The following MFSD2A variants were observed in gnomAD, a reference collection of about 807,000 sequenced individuals.
MFSD2A encodes MFSD2 lysolipid transporter A, lysophospholipid.
MFSD2A carries 27 observed loss-of-function variants against 64.7 expected under a neutral mutation model. The observed-to-expected ratio is 0.42, with a 90% CI of 0.31 to 0.58. The LOEUF (loss-of-function observed/expected upper bound fraction) is 0.58, where lower values mean the gene tolerates loss of function less well. Among genes scored for constraint, MFSD2A ranks in the 20% least tolerant of loss-of-function variants. The pLI is 0.18. For missense variants in MFSD2A, 474 were observed against 679.5 expected, an observed-to-expected ratio of 0.70 and a Z score of 3.36; for synonymous variants, 258 against 273.4, an observed-to-expected ratio of 0.94 and a Z score of 0.55.
Position 39,969,704 on chromosome 1 carries a change from T to TG in MFSD2A, c.*137dup, listed in dbSNP as rs1274433166. The TG allele has an allele frequency of 4.8e-6, 4 of 831,190 alleles. No individual in the cohort carries two copies. The African/African-American group carries it at 7.2e-5, about 15-fold the overall frequency. The allele number at this position is 831,190 out of a possible 1,614,324, so 51.5% of individuals were successfully genotyped here. ...ACTCAAGGAGGTGGCCCAGGACACT[T>TG]GCTGTGCTCACTGTGGGGCCGGCTG... On this transcript the variant is annotated 3_prime_UTR_variant, in exon 14 of 14. Transcript: ENST00000372811.
In MFSD2A at chr1:39,968,709, G is replaced by T. The variant is rs564904855; in HGVS notation, c.1493G>T (p.Arg498Met). 6.2e-7 allele frequency: 1 copy of T among 1,614,172 alleles called. No individual in the cohort carries two copies. Among genetic ancestry groups the T allele is most frequent in the African/African-American group, 1.3e-5 (1 of 75,036 alleles). Residue 498 changes from arginine (R) to methionine (M), a missense_variant, in exon 13 of 14, where the codon AGG (arginine) becomes ATG (methionine). Arg to Met is a moderately conservative substitution (Grantham distance 91). Coordinates refer to ENST00000372811, the MANE Select transcript of MFSD2A (RefSeq NM_032793.5). This position sits in a 1 kb window ranked among gnomAD's most constrained non-coding sequence, Gnocchi z 4.4. The stretch of plus-strand genomic sequence containing the variant: ...AAAATGTACCCCATTGATGAGGAGA[G>T]GCGGCGGCAGAATAAGAAGGCCCTG... ...LFKMYPIDEE[R>M]RRQNKKALQA...
intron 6 of MFSD2A, 98 bp downstream of exon 6, chr1:39,966,112 A>C: frequency 5.8e-6 from 8 of 1,384,910 alleles, no homozygotes; most frequent in Non-Finnish European, 7.9e-6. Context: ...TTATTAAATA[A>C]ATGTTGGGCA....
At position 39,968,828 on chromosome 1, in the gene MFSD2A, C is replaced by CG; in HGVS notation, c.1529+83_1529+84insG. ...AATTTGTGTCTCCTGTGGCCAAGTCCAGACTCACCCCCCACACATCTTCTC... is the reference window on the plus strand; with the variant it reads ...AATTTGTGTCTCCTGTGGCCAAGTCCGAGACTCACCCCCCACACATCTTCTC... On this transcript the variant is annotated intron_variant, in intron 13 of 13. Coordinates refer to ENST00000372811, the MANE Select transcript of MFSD2A (RefSeq NM_032793.5). This position sits in a 1 kb window ranked among gnomAD's most constrained non-coding sequence, Gnocchi z 4.4. 2.8e-6 allele frequency: 4 copies of CG among 1,452,776 alleles called. No individual in the cohort carries two copies. Among genetic ancestry groups the CG allele is most frequent in the Admixed American group, 3.7e-5 (2 of 53,874 alleles). The allele number at this position is 1,452,776 out of a possible 1,614,324, so 90.0% of individuals were successfully genotyped here. A position where few individuals can be genotyped will look rare whatever the true frequency, so the allele number is the denominator to read the frequency against.
In MFSD2A at chr1:39,967,041, C is replaced by G. The variant is rs935601672; in HGVS notation, c.928-45C>G. ...TCTTGGGGAGGCTCAGCCCCAACATCACCTCCTTCCTTGCATTTCCTTCCC... is the reference window on the plus strand; with the variant it reads ...TCTTGGGGAGGCTCAGCCCCAACATGACCTCCTTCCTTGCATTTCCTTCCC... On this transcript the variant is annotated intron_variant, in intron 8 of 13. Coordinates refer to ENST00000372811, the MANE Select transcript of MFSD2A (RefSeq NM_032793.5). The G allele has an allele frequency of 2.5e-6, 4 of 1,610,886 alleles. No homozygotes were observed. The African/African-American group carries it at 4.0e-5, about 16-fold the overall frequency.
chr1:39,966,497 G>C, intron 6 of MFSD2A, 104 bp from the exon 7 acceptor site: 1 of 893,918 alleles, frequency 1.1e-6, no homozygotes, highest in Middle Eastern at 2.4e-4. Context: ...CGCTCCCAGA[G>C]GGGAGGGGAC....
In MFSD2A at chr1:39,963,720, G is replaced by A. The variant is rs1645094439; in HGVS notation, c.354-1491G>A. 6.6e-6 allele frequency among the ~76,000 whole-genome samples: 1 copy of A among 152,070 alleles called. No individual in the cohort carries two copies. Among genetic ancestry groups the A allele is most frequent in the African/African-American group, 2.4e-5 (1 of 41,408 alleles). On this transcript the variant is annotated intron_variant, in intron 3 of 13. Coordinates refer to ENST00000372811, the MANE Select transcript of MFSD2A (RefSeq NM_032793.5). This position sits in a 1 kb window ranked among gnomAD's most constrained non-coding sequence, Gnocchi z 4.2. Reference sequence around the variant, plus strand: ...GTGCAGTTTTAACATTCCACATTAAGGATGTAATAATCAAGGAGTTTGTTT... The same window carrying A: ...GTGCAGTTTTAACATTCCACATTAAAGATGTAATAATCAAGGAGTTTGTTT...
rs751477861 is a variant in MFSD2A at position 39,966,679 on chromosome 1, C to A, written c.793C>A (p.Arg265=). 2 of 1,613,824 alleles carry A rather than the reference C, an allele frequency of 1.2e-6. No homozygotes were observed. Among genetic ancestry groups the A allele is most frequent in the South Asian group, 2.2e-5 (2 of 91,040 alleles). ...ICAVILILGV[R]EQREPYEAQQ... is the part of the protein sequence containing the mutation. ...TGCTGTCATCCTGATCCTGGGCGTGCGGGAGCAGAGAGGTAAGGGGGTGCC... is the reference window on the plus strand; with the variant it reads ...TGCTGTCATCCTGATCCTGGGCGTGAGGGAGCAGAGAGGTAAGGGGGTGCC... Residue 265 remains arginine (R), a synonymous_variant, in exon 7 of 14, where the codon CGG becomes AGG. Coordinates refer to ENST00000372811, the MANE Select transcript of MFSD2A (RefSeq NM_032793.5).
Position 39,957,110 on chromosome 1 carries a change from A to G in MFSD2A, c.117A>G (p.Gln39=), listed in dbSNP as rs767862601. 1.2e-6 allele frequency: 2 copies of G among 1,613,988 alleles called. No individual in the cohort carries two copies. Among genetic ancestry groups the G allele is most frequent in the Non-Finnish European group, 1.7e-6 (2 of 1,180,022 alleles). The part of the protein sequence containing the change: ...QVKKEPKKKK[Q]QLSVCNKLCY... ...AGAAAGAACCGAAAAAGAAGAAACA[A>G]CAGTTGTCTGTTTGCAACAAGCTTT... The change falls in exon 2 of 14, where the codon CAA becomes CAG. Residue 39 remains glutamine, a synonymous_variant. Coordinates refer to ENST00000372811, the MANE Select transcript of MFSD2A (RefSeq NM_032793.5).
chr1:39,959,158 G>A (rs898193850), intron 3 of MFSD2A, among the ~76,000 whole-genome samples: 2 of 152,068 alleles, frequency 1.3e-5, no homozygotes, highest in Non-Finnish European at 2.9e-5. Context: ...GTACTTAAGA[G>A]TGGTTAAGCA....
At chr1:39,967,316 C>T (rs1410500048) in intron 9 of MFSD2A, 147 bp downstream of exon 9, 2 of 748,252 alleles carry the variant, frequency 2.7e-6, no homozygotes, top group African/African-American at 3.5e-5. Context: ...TTGGTTGGAC[C>T]TTGCGAAGGT....
Position 39,963,245 on chromosome 1 carries a change from G to C in MFSD2A, c.354-1966G>C. 2 of 1,551,944 alleles carry C rather than the reference G, an allele frequency of 1.3e-6. No individual in the cohort carries two copies. Among genetic ancestry groups the C allele is most frequent in the South Asian group, 2.2e-5 (2 of 89,770 alleles). On this transcript the variant is annotated intron_variant, in intron 3 of 13. Transcript: ENST00000372811. The surrounding 1 kb of genome is among the most constrained non-coding windows in gnomAD (Gnocchi z 4.2). ...CAGCCCGGGGCTGCACTGCCACCCT[G>C]GGCAGCTTTGCCAAGGGCACCTTTG...
At position 39,957,274 on chromosome 1, in the gene MFSD2A, C is replaced by G. The variant is rs1319410301; in HGVS notation, c.228+53C>G. 2.7e-6 allele frequency: 4 copies of G among 1,498,504 alleles called. No individual in the cohort carries two copies. In the African/African-American group the frequency reaches 4.2e-5, roughly 16 times the overall value. 92.8% of individuals were successfully genotyped at this position (1,498,504 alleles called of 1,614,324 possible). A position where few individuals can be genotyped will look rare whatever the true frequency, so the allele number is the denominator to read the frequency against. On this transcript the variant is annotated intron_variant, in intron 2 of 13. Transcript: ENST00000372811. ...CTTCAGCATCCTGAGGTGGGAAAGACTATGCACCCCTGGGTCAGTTCGCTC... is the reference window on the plus strand; with the variant it reads ...CTTCAGCATCCTGAGGTGGGAAAGAGTATGCACCCCTGGGTCAGTTCGCTC...
Position 39,966,868 on chromosome 1 carries a change from T to C in MFSD2A, c.863T>C (p.Val288Ala). 6.2e-7 allele frequency: 1 copy of C among 1,613,850 alleles called. No homozygotes were observed. Among genetic ancestry groups the C allele is most frequent in the Admixed American group, 1.7e-5 (1 of 60,012 alleles). Residue 288 changes from valine (V) to alanine (A), a missense_variant, in exon 8 of 14, where the codon GTC (valine) becomes GCC (alanine). Physicochemically the swap from Val to Ala is moderately conservative, Grantham distance 64. Transcript: ENST00000372811. Reference protein sequence around the residue: ...PIAYFRGLRLVMSHGPYIKLI... With the variant: ...PIAYFRGLRLAMSHGPYIKLI... ...GCCTACTTCCGGGGCCTACGGCTGG[T>C]CATGAGCCACGGCCCATACATCAAA... is the stretch of plus-strand genomic sequence containing the variant.
At position 39,955,550 on chromosome 1, in the gene MFSD2A, C is replaced by A. The variant is rs1224067139; in HGVS notation, c.93+165C>A. 2 of 784,822 alleles carry A rather than the reference C, an allele frequency of 2.5e-6. No homozygotes were observed. The highest frequency in any genetic ancestry group is 4.3e-6 in the Non-Finnish European group (2 of 464,794). 48.6% of individuals were successfully genotyped at this position (784,822 alleles called of 1,614,324 possible). A position where few individuals can be genotyped will look rare whatever the true frequency, so the allele number is the denominator to read the frequency against. Reference sequence around the variant, plus strand: ...GGGGGTGCCCTGGGACAGGGGGTGACGGAGAAAAGCTGTGGGCGCCCTCGC... The same window carrying A: ...GGGGGTGCCCTGGGACAGGGGGTGAAGGAGAAAAGCTGTGGGCGCCCTCGC... On this transcript the variant is annotated intron_variant, in intron 1 of 13. Transcript: ENST00000372811. This position sits in a 1 kb window ranked among gnomAD's most constrained non-coding sequence, Gnocchi z 5.9.
rs1266413323 is a variant in MFSD2A at position 39,964,688 on chromosome 1, G to C, written c.354-523G>C. The C allele has an allele frequency of 6.4e-6, 1 of 157,348 alleles. No individual in the cohort carries two copies. The highest frequency in any genetic ancestry group is 1.4e-5 in the Non-Finnish European group (1 of 71,050). 9.7% of individuals were successfully genotyped at this position (157,348 alleles called of 1,614,324 possible). A position where few individuals can be genotyped will look rare whatever the true frequency, so the allele number is the denominator to read the frequency against. ...TGAATGGGGTGTGTGAAGTGTGTAT[G>C]TGAATGGGGGTGTGTGTGAATGGGG... On this transcript the variant is annotated intron_variant, in intron 3 of 13. Transcript: ENST00000372811. The surrounding 1 kb of genome is among the most constrained non-coding windows in gnomAD (Gnocchi z 4.1).
At chr1:39,961,029 G>A (rs1446609433) in intron 3 of MFSD2A, among the ~76,000 whole-genome samples, 1 of 152,060 alleles carries the variant, frequency 6.6e-6, no homozygotes, top group African/African-American at 2.4e-5. Context: ...TGCTCAGGCT[G>A]GTCTCAAACT....
At chr1:39,962,050 AC>A (rs1426383099) in intron 3 of MFSD2A, among the ~76,000 whole-genome samples, 2 of 152,218 alleles carry the variant, frequency 1.3e-5, no homozygotes, top group Non-Finnish European at 2.9e-5. Flanking sequence ...ACACTGTTTG[AC>A]ATTTTAGTAT....
At position 39,960,374 on chromosome 1, in the gene MFSD2A, G is replaced by A. The variant is rs1472228550; in HGVS notation, c.353+1549G>A. ...CCACTACAGCTTCCTTTCCCACGAG[G>A]CCCCCCACCCACCCCAATCCTGCCA... On this transcript the variant is annotated intron_variant, in intron 3 of 13. Coordinates refer to ENST00000372811, the MANE Select transcript of MFSD2A (RefSeq NM_032793.5). The surrounding 1 kb of genome is among the most constrained non-coding windows in gnomAD (Gnocchi z 4.8). 6.6e-6 allele frequency among the ~76,000 whole-genome samples: 1 copy of A among 151,786 alleles called. No individual in the cohort carries two copies. The highest frequency in any genetic ancestry group is 2.4e-5 in the African/African-American group (1 of 41,396).
intron 11 of MFSD2A, 83 bp downstream of exon 11, chr1:39,967,999 A>G (rs1570262283): frequency 2.4e-6 from 2 of 850,414 alleles, no homozygotes; most frequent in East Asian, 5.0e-5. Context: ...AGTTCTATGC[A>G]GTGTTCTCCC....
Sources: allele counts gnomAD v4.1 joint callset (sites outside exome capture counted in the v4.1 genomes callset), GRCh38; gene constraint gnomAD v4.1.1; non-coding constraint Gnocchi (gnomAD v3.1); transcripts MANE v1.5; gene names NCBI Gene and HGNC (gene_info 2026-07-23, HGNC 2026-07-21).